Variants in UBE2U observed in about 807,000 individuals in gnomAD.
UBE2U encodes ubiquitin conjugating enzyme E2 U.
UBE2U carries 39 observed loss-of-function variants against 41.2 expected under a neutral mutation model. The observed-to-expected ratio is 0.95, with a 90% CI of 0.73 to 1.24. The LOEUF is 1.24. UBE2U is among the 50% of genes most tolerant of loss of function. The probability of loss-of-function intolerance (pLI) is 0.00; values close to 1 mark genes in which losing one functional copy is unlikely to be tolerated. For missense variants in UBE2U, 336 were observed against 363.1 expected (o/e 0.93, Z 0.61); for synonymous variants, 107 against 117.8 (o/e 0.91, Z 0.60).
intron 6 of UBE2U, among the ~76,000 whole-genome samples, chr1:64,223,654 T>C (rs1379689453): frequency 6.6e-6 from 1 of 152,208 alleles, no homozygotes; most frequent in African/African-American, 2.4e-5. Context: ...ATAAATATAA[T>C]ATAGTAAGTG....
chr1:64,243,874 T>C (rs1022526908), intron 8 of UBE2U, among the ~76,000 whole-genome samples: 2 of 152,160 alleles, frequency 1.3e-5, no homozygotes, highest in Middle Eastern at 3.2e-3. Context: ...GGAGCCAGAC[T>C]GTCTGGATTT....
intron 4 of UBE2U, among the ~76,000 whole-genome samples, chr1:64,211,547 C>T (rs1651662772): frequency 1.3e-5 from 2 of 152,182 alleles, no homozygotes; most frequent in South Asian, 4.1e-4. Context: ...TCAAGTGATC[C>T]TCCCACCTCA....
rs1644771041 is a variant in UBE2U at position 64,239,157 on chromosome 1, A to AAAGAAGAAAGAAGAAAGAAGAAGAAG, written c.596-2487_596-2486insAGAAGAAAGAAGAAGAAGAAGAAGAA. On this transcript the variant is annotated intron_variant, in intron 7 of 9. Coordinates refer to ENST00000371077, the MANE Select transcript of UBE2U (RefSeq NM_001366232.2). ...GAAGAAGAAGAAGAAGAAGAAGAAGAAAGAAGAAGAAGAAGAAGAAGAAGA... is the reference window on the plus strand; with the variant it reads ...GAAGAAGAAGAAGAAGAAGAAGAAGAAAGAAGAAAGAAGAAAGAAGAAGAAGAAGAAGAAGAAGAAGAAGAAGAAGA... Among the ~76,000 whole-genome samples, 4 of 37,070 alleles carry AAAGAAGAAAGAAGAAAGAAGAAGAAG rather than the reference A, an allele frequency of 1.1e-4. 1 individual carries two copies. Among genetic ancestry groups the AAAGAAGAAAGAAGAAAGAAGAAGAAG allele is most frequent in the African/African-American group, 3.4e-4 (4 of 11,856 alleles). The allele number at this position is 37,070 out of a possible 152,430, so 24.3% of individuals were successfully genotyped here.
chr1:64,216,654 G>A (rs1024280460), intron 5 of UBE2U, among the ~76,000 whole-genome samples: 3 of 152,224 alleles, frequency 2.0e-5, no homozygotes, highest in Non-Finnish European at 4.4e-5. Context: ...GTGATCAGTT[G>A]TCTGGAATTA....
rs1325863936 is a variant in UBE2U, at chr1:64,239,306, GCATATGATCTGGCTTAAT to G, written c.596-2345_596-2328del. Among the ~76,000 whole-genome samples the G allele has an allele frequency of 9.4e-4, 143 of 152,076 alleles. 1 individual carries two copies. The highest frequency in any genetic ancestry group is 2.2e-4 in the Non-Finnish European group (15 of 67,994). Reference sequence around the variant, plus strand: ...AGGAAAATAGATAAAGTATATATGAGCATATGATCTGGCTTAATAATATTTCATGTAAAAATTACCAGT... The same window carrying G: ...AGGAAAATAGATAAAGTATATATGAGAATATTTCATGTAAAAATTACCAGT... On this transcript the variant is annotated intron_variant, in intron 7 of 9. Transcript: ENST00000371077.
chr1:64,231,718 T>C (rs1417514073), intron 6 of UBE2U, among the ~76,000 whole-genome samples: 3 of 152,228 alleles, frequency 2.0e-5, no homozygotes, highest in Non-Finnish European at 4.4e-5. Flanking sequence ...AAACTAATGC[T>C]AATATACTTG....
At chr1:64,266,011 C>T (rs1349426751) in intron 9 of UBE2U, among the ~76,000 whole-genome samples, 2 of 152,074 alleles carry the variant, frequency 1.3e-5, no homozygotes, top group Non-Finnish European at 2.9e-5. Context: ...ATGAGGCAAA[C>T]AAAATTTGTC....
intron 9 of UBE2U, among the ~76,000 whole-genome samples, chr1:64,264,695 G>C (rs1483912912): frequency 3.3e-5 from 5 of 152,180 alleles, no homozygotes; most frequent in Non-Finnish European, 7.3e-5. Flanking sequence ...GCTCACGCCT[G>C]TAATCCCAAC....
chr1:64,239,172 G>GAAGAAGAAGAAGAAGA (rs1644779697), intron 7 of UBE2U, among the ~76,000 whole-genome samples: 6 of 95,710 alleles, frequency 6.3e-5, no homozygotes, highest in African/African-American at 2.3e-4. Flanking sequence ...AGAAGAAGAA[G>GAAGAAGAAGAAGAAGA]AAGAAGAAGA....
intron 6 of UBE2U, among the ~76,000 whole-genome samples, chr1:64,222,746 C>T (rs1008551589): frequency 2.0e-5 from 3 of 152,136 alleles, no homozygotes; most frequent in African/African-American, 7.2e-5. Flanking sequence ...AGAAATTATT[C>T]AAAGAAAGAT....
At position 64,220,866 on chromosome 1, in the gene UBE2U, T is replaced by C. The variant is rs1198713745; in HGVS notation, c.465T>C (p.Asp155=). Residue 155 remains aspartate, a synonymous_variant, in exon 6 of 10, where the codon GAT becomes GAC. Coordinates refer to ENST00000371077, the MANE Select transcript of UBE2U (RefSeq NM_001366232.2). ...CATATTTTTTCTTTATAGTGAAAGA[T>C]GACAGCCAGGAGTTACCTAAAGACC... ...RLFNRPLQMK[D]DSQELPKDPR... 1.2e-6 allele frequency: 2 copies of C among 1,606,916 alleles called. No homozygotes were observed. Among genetic ancestry groups the C allele is most frequent in the Non-Finnish European group, 1.7e-6 (2 of 1,177,808 alleles).
At chr1:64,224,138 G>A (rs1238621200) in intron 6 of UBE2U, among the ~76,000 whole-genome samples, 6 of 152,064 alleles carry the variant, frequency 3.9e-5, no homozygotes, top group Non-Finnish European at 5.9e-5. Flanking sequence ...GGGCAGGCAC[G>A]AGACAAAACT....
chr1:64,231,545 TA>T (rs942449110), intron 6 of UBE2U, among the ~76,000 whole-genome samples: 3 of 152,232 alleles, frequency 2.0e-5, no homozygotes, highest in Admixed American at 6.5e-5. Context: ...AATTTCTACT[TA>T]AGTGTGATTG....
chr1:64,206,466 C>A (rs1651302619), intron 2 of UBE2U, among the ~76,000 whole-genome samples: 1 of 150,892 alleles, frequency 6.6e-6, no homozygotes, highest in South Asian at 2.1e-4. Context: ...AAGGGTGTAG[C>A]AGATTTTGGG....
chr1:64,244,615 G>T (rs1644890693), intron 8 of UBE2U, among the ~76,000 whole-genome samples: 1 of 151,958 alleles, frequency 6.6e-6, no homozygotes, highest in Admixed American at 6.6e-5. Flanking sequence ...CTTCTGCCTG[G>T]TGAAGTGCTT....
rs1569940355 is a variant in UBE2U, at chr1:64,207,004, T to G, written c.241+148T>G. On this transcript the variant is annotated intron_variant, in intron 3 of 9. Transcript: ENST00000371077. ...GAAAATATGAAAAGGCTGGAAAAAA[T>G]TAGCAATCACCTTAAATCCTAATGC... The G allele has an allele frequency of 6.3e-6, 4 of 630,078 alleles. No homozygotes were observed. The East Asian group carries it at 1.2e-4, about 19-fold the overall frequency. The allele number at this position is 630,078 out of a possible 1,614,324, so 39.0% of individuals were successfully genotyped here.
rs186010531 is a variant in UBE2U at position 64,210,656 on chromosome 1, T to C, written c.242-86T>C. 2,516 of 889,500 alleles carry C rather than the reference T, an allele frequency of 2.8e-3. 7 individuals are homozygous for C. Among genetic ancestry groups the C allele is most frequent in the Non-Finnish European group, 3.5e-3 (2,216 of 627,558 alleles). 55.1% of individuals were successfully genotyped at this position (889,500 alleles called of 1,614,324 possible). ...AAAAAGGAAGAGTAAATGCAGATAA[T>C]TTTTCTGGCTTATCATTTTGATGTT... is the stretch of plus-strand genomic sequence containing the variant. On this transcript the variant is annotated intron_variant, in intron 3 of 9. Transcript: ENST00000371077.
intron 8 of UBE2U, among the ~76,000 whole-genome samples, chr1:64,249,157 A>G (rs528587017): frequency 1.1e-4 from 16 of 152,130 alleles, no homozygotes; most frequent in Admixed American, 9.2e-4. Context: ...CGGACAGATC[A>G]CCTGAGGTCA....
chr1:64,254,827 G>A (rs1359687312), intron 8 of UBE2U, among the ~76,000 whole-genome samples: 7 of 152,020 alleles, frequency 4.6e-5, no homozygotes, highest in Admixed American at 6.6e-5. Context: ...AAGCTAGAAA[G>A]ATCTTGTTAA....
Sources: allele counts gnomAD v4.1 joint callset (sites outside exome capture counted in the v4.1 genomes callset), GRCh38; gene constraint gnomAD v4.1.1; transcripts MANE v1.5; gene names NCBI Gene and HGNC (gene_info 2026-07-23, HGNC 2026-07-21).